TNRC6A: variants seen among roughly 807,000 people sequenced by gnomAD.
TNRC6A encodes the protein trinucleotide repeat-containing gene 6A protein.
Under a neutral mutation model 221.2 loss-of-function variants are expected in TNRC6A, and 44 were observed. The observed-to-expected ratio is 0.20, with a 90% CI of 0.16 to 0.26. The LOEUF (loss-of-function observed/expected upper bound fraction) is 0.26, where lower values mean the gene tolerates loss of function less well. TNRC6A is among the 10% of genes least tolerant of loss of function. TNRC6A has a pLI of 1.00. For synonymous variants in TNRC6A, 847 were observed against 838.5 expected, an observed-to-expected ratio of 1.01 and a Z score of -0.18; for missense variants, 2,199 against 2,404.4, an observed-to-expected ratio of 0.91 and a Z score of 1.79.
intron 22 of TNRC6A, chr16:24,821,857 C>G (rs1596842437): frequency 3.5e-6 from 2 of 564,812 alleles, no homozygotes; most frequent in African/African-American, 3.8e-5. Context: ...AACTGGGAGC[C>G]ATTCTGAGCT....
chr16:24,736,096 C>G (rs186338658), intron 2 of TNRC6A, among the ~76,000 whole-genome samples: 1 of 152,060 alleles, frequency 6.6e-6, no homozygotes, highest in Non-Finnish European at 1.5e-5. Flanking sequence ...ACCTGGGAGG[C>G]GAGGGTTGCA....
At chr16:24,633,787 T>C (rs1221606382) in intron 1 of TNRC6A, among the ~76,000 whole-genome samples, 1 of 18,610 alleles carries the variant, frequency 5.4e-5, no homozygotes, top group Admixed American at 4.8e-4. Flanking sequence ...TTTATCTCTC[T>C]TTTTTTTTTT....
At chr16:24,727,535 A>G (rs1457662265), upstream of TNRC6A, among the ~76,000 whole-genome samples, 1 of 152,146 alleles carries the variant, frequency 6.6e-6, no homozygotes, top group African/African-American at 2.4e-5. Context: ...GTTCATTGCT[A>G]AATGTCCCCA....
intron 1 of TNRC6A, among the ~76,000 whole-genome samples, chr16:24,620,025 C>A (rs1195875151): frequency 6.6e-6 from 1 of 151,968 alleles, no homozygotes; most frequent in South Asian, 2.1e-4. Context: ...ACCTGTAGTG[C>A]CAGCTTCTTG....
intron 1 of TNRC6A, among the ~76,000 whole-genome samples, chr16:24,629,900 G>C (rs910677131): frequency 2.6e-5 from 4 of 151,668 alleles, no homozygotes; most frequent in Admixed American, 1.3e-4. Flanking sequence ...TGAGCCCAGG[G>C]AGATCAAGGC....
At chr16:24,697,463 C>T (rs959554955) in intron 2 of TNRC6A, among the ~76,000 whole-genome samples, 4 of 150,822 alleles carry the variant, frequency 2.7e-5, no homozygotes, top group Non-Finnish European at 5.9e-5. Flanking sequence ...GGTGGGCAGA[C>T]CATTTGAGGC....
chr16:24,657,510 G>C (rs1251423723), intron 2 of TNRC6A, among the ~76,000 whole-genome samples: 1 of 151,972 alleles, frequency 6.6e-6, no homozygotes, highest in East Asian at 1.9e-4. Flanking sequence ...AGGAGTTCAA[G>C]ACCAGCCTGG....
rs1280826015 is a variant in TNRC6A, at chr16:24,804,195, G to A, written c.3713G>A (p.Arg1238Gln). The A allele has an allele frequency of 3.7e-6, 6 of 1,609,384 alleles. No homozygotes were observed. The East Asian group carries it at 6.7e-5, about 18-fold the overall frequency. Residue 1238 changes from arginine (R) to glutamine (Q), a missense_variant, in exon 12 of 25, where the codon CGA becomes CAA. Coordinates refer to ENST00000395799, the MANE Select transcript of TNRC6A (RefSeq NM_014494.4). ...DLSGGMLQDK[R>Q]MEIDKHSLNI... ...TTATTAGGAATGTTACAAGACAAAC[G>A]AATGGAGATAGATAAACATAGCCTA...
intron 21 of TNRC6A, among the ~76,000 whole-genome samples, chr16:24,819,228 A>G (rs925467706): frequency 6.6e-6 from 1 of 152,162 alleles, no homozygotes; most frequent in Non-Finnish European, 1.5e-5. Flanking sequence ...CACTGACCTA[A>G]TGCACACACA....
intron 23 of TNRC6A, 90 bp downstream of exon 23, chr16:24,822,237 G>A: frequency 1.5e-6 from 2 of 1,311,658 alleles, no homozygotes; most frequent in East Asian, 4.7e-5. Context: ...AGGGCTGCTA[G>A]GTGGTAGTGA....
chr16:24,797,393 G>T, intron 9 of TNRC6A, 97 bp from the exon 10 acceptor site: 1 of 814,788 alleles, frequency 1.2e-6, no homozygotes, highest in African/African-American at 1.8e-5. Flanking sequence ...GGCTAAAAAT[G>T]AGAATTGGGG....
At chr16:24,807,778 C>T (rs922186225) in intron 17 of TNRC6A, among the ~76,000 whole-genome samples, 1 of 152,052 alleles carries the variant, frequency 6.6e-6, no homozygotes, top group African/African-American at 2.4e-5. Context: ...TGTTCATGCC[C>T]TGTTTATTTT....
intron 4 of TNRC6A, among the ~76,000 whole-genome samples, chr16:24,760,533 T>TGAAGAGA (rs2057340960): frequency 6.6e-6 from 1 of 152,338 alleles, no homozygotes; most frequent in African/African-American, 2.4e-5. Context: ...TTCACTCATG[T>TGAAGAGA]CATCCTTCTT....
rs1415548467 is a variant in TNRC6A, at chr16:24,789,859, G to A, written c.1217G>A (p.Ser406Asn). Reference protein sequence around the residue: ...STIGQMPNNQSINSKVSGGST... With the variant: ...STIGQMPNNQNINSKVSGGST... ...ATAGGCCAGATGCCTAACAATCAGA[G>A]TATTAACTCTAAAGTGAGTGGTGGT... The change falls in exon 6 of 25, where the codon AGT becomes AAT. Residue 406 changes from serine (S) to asparagine (N), a missense_variant. Physicochemically the swap from Ser to Asn is conservative, Grantham distance 46. Coordinates refer to ENST00000395799, the MANE Select transcript of TNRC6A (RefSeq NM_014494.4). The A allele has an allele frequency of 3.7e-6, 6 of 1,614,138 alleles. No homozygotes were observed. The South Asian group carries it at 6.6e-5, about 18-fold the overall frequency.
intron 11 of TNRC6A, among the ~76,000 whole-genome samples, chr16:24,800,609 GCC>G (rs1362037388): frequency 2.0e-5 from 3 of 152,184 alleles, no homozygotes; most frequent in African/African-American, 7.2e-5. Context: ...ACAAGTTTCT[GCC>G]TCCTTCATGG....
intron 2 of TNRC6A, among the ~76,000 whole-genome samples, chr16:24,732,657 A>G (rs901968091): frequency 6.6e-6 from 1 of 152,182 alleles, no homozygotes; most frequent in African/African-American, 2.4e-5. Context: ...GATGCATGCA[A>G]TACTTCTAGA....
intron 2 of TNRC6A, among the ~76,000 whole-genome samples, chr16:24,733,225 C>A (rs578017021): frequency 1.2e-4 from 18 of 152,108 alleles, no homozygotes; most frequent in South Asian, 4.2e-4. Context: ...AAAAAAAAAT[C>A]TTTTAATAAC....
chr16:24,815,311 A>T lies in TNRC6A; in HGVS notation c.4831+6A>T, dbSNP rs756894927. The T allele has an allele frequency of 7.4e-6, 12 of 1,613,800 alleles. No homozygotes were observed. The highest frequency in any genetic ancestry group is 9.3e-6 in the Non-Finnish European group (11 of 1,179,912). On this transcript the variant is annotated splice_donor_region_variant and intron_variant, in intron 19 of 24. Coordinates refer to ENST00000395799, the MANE Select transcript of TNRC6A (RefSeq NM_014494.4). ...CAGTGTTAATTGGCCACCAGGTAAA[A>T]TTTTTTCTAACACTTTCTTTCATGA...
intron 2 of TNRC6A, among the ~76,000 whole-genome samples, chr16:24,645,181 C>T (rs1902208099): frequency 6.6e-6 from 1 of 152,190 alleles, no homozygotes; most frequent in South Asian, 2.1e-4. Flanking sequence ...AGTGGTTTGA[C>T]TTTGAAGCAA....
Sources: gnomAD v4.1 joint callset for allele counts (sites outside exome capture counted in the v4.1 genomes callset) on GRCh38, gnomAD v4.1.1 for gene constraint, MANE v1.5 for transcripts, NCBI Gene and HGNC (gene_info 2026-07-23, HGNC 2026-07-21) for gene names.